Variants in ALG5 observed in about 807,000 individuals in gnomAD.
ALG5 encodes dolichyl-phosphate beta-glucosyltransferase.
A neutral mutation model predicts 51.8 loss-of-function variants in ALG5; 26 were observed. That is an observed-to-expected ratio of 0.50 (90% CI 0.37 to 0.70). The LOEUF (loss-of-function observed/expected upper bound fraction) is 0.70, where lower values mean the gene tolerates loss of function less well. Among genes scored for constraint, ALG5 ranks in the 30% least tolerant of loss-of-function variants. The pLI is 0.00. For synonymous variants in ALG5, 141 were observed against 136.1 expected, an observed-to-expected ratio of 1.04 and a Z score of -0.25; for missense variants, 311 against 399.3, an observed-to-expected ratio of 0.78 and a Z score of 1.88.
Position 36,994,577 on chromosome 13 carries a change from A to G in ALG5, c.285+412T>C, listed in dbSNP as rs1320228029. Among the ~76,000 whole-genome samples the G allele has an allele frequency of 2.0e-5, 3 of 149,690 alleles. No individual in the cohort carries two copies. In the South Asian group the frequency reaches 6.2e-4, roughly 31 times the overall value. The stretch of plus-strand genomic sequence containing the variant: ...TCTGTTTATTCAAACCCAGTTAACC[A>G]AAAAATAAAAAAAGAGAGAAGAGAA... On this transcript the variant is annotated intron_variant, in intron 3 of 9. Transcript: ENST00000239891.
intron 8 of ALG5, among the ~76,000 whole-genome samples, chr13:36,959,046 T>C (rs981919442): frequency 6.6e-6 from 1 of 152,142 alleles, no homozygotes; most frequent in Non-Finnish European, 1.5e-5. Context: ...CTGTCATTTG[T>C]GACATGGATG....
intron 8 of ALG5, among the ~76,000 whole-genome samples, chr13:36,958,244 C>A (rs112611854): frequency 2.6e-5 from 4 of 152,110 alleles, no homozygotes; most frequent in African/African-American, 9.7e-5. Flanking sequence ...TTACCAAGAG[C>A]TTCTATGGAG....
chr13:36,971,970 G>A lies in ALG5; in HGVS notation c.621+7C>T. 1 of 1,601,636 alleles carries A rather than the reference G, an allele frequency of 6.2e-7. No individual in the cohort carries two copies. The highest frequency in any genetic ancestry group is 8.5e-7 in the Non-Finnish European group (1 of 1,173,154). ...TGGCTGTCCCATGCCAATTAATGAA[G>A]TCTCACCTGAGCAATTGATTCTTTT... is the stretch of plus-strand genomic sequence containing the variant. On this transcript the variant is annotated splice_region_variant and intron_variant, in intron 7 of 9. Coordinates refer to ENST00000239891, the MANE Select transcript of ALG5 (RefSeq NM_013338.5).
chr13:36,988,852 C>G (rs140790000), intron 5 of ALG5, among the ~76,000 whole-genome samples: 1 of 152,154 alleles, frequency 6.6e-6, no homozygotes, highest in African/African-American at 2.4e-5. Context: ...GACTGCCCAC[C>G]TTTAGACTTC....
At chr13:36,984,454 T>C (rs1360498547) in intron 6 of ALG5, among the ~76,000 whole-genome samples, 1 of 152,206 alleles carries the variant, frequency 6.6e-6, no homozygotes, top group Admixed American at 6.5e-5. Context: ...AAGACCTGTG[T>C]TGCTAAATTC....
At chr13:36,989,084 C>T (rs1018667248) in intron 5 of ALG5, among the ~76,000 whole-genome samples, 1 of 152,152 alleles carries the variant, frequency 6.6e-6, no homozygotes, top group African/African-American at 2.4e-5. Flanking sequence ...TTAGACTGCA[C>T]ATTTCATCAG....
chr13:36,969,741 G>A (rs1050612965), intron 7 of ALG5, among the ~76,000 whole-genome samples: 1 of 151,894 alleles, frequency 6.6e-6, no homozygotes, highest in Admixed American at 6.6e-5. Context: ...CACCATGTTG[G>A]CCAGGCTGGT....
At chr13:36,990,736 C>T (rs917680000) in intron 4 of ALG5, among the ~76,000 whole-genome samples, 61 of 116,562 alleles carry the variant, frequency 5.2e-4, no homozygotes, top group Non-Finnish European at 5.5e-5. Context: ...CAGCAAATGG[C>T]ATCATCATCT....
intron 6 of ALG5, among the ~76,000 whole-genome samples, chr13:36,979,514 T>C (rs1279670944): frequency 1.3e-5 from 2 of 152,196 alleles, no homozygotes; most frequent in African/African-American, 4.8e-5. Context: ...TGCACGCAGA[T>C]ATGAATCATT....
chr13:36,986,940 G>A (rs1050407372), intron 5 of ALG5, among the ~76,000 whole-genome samples: 8 of 152,138 alleles, frequency 5.3e-5, no homozygotes, highest in Non-Finnish European at 1.0e-4. Context: ...CTGTTCTACC[G>A]TCTATGGCCT....
intron 7 of ALG5, 90 bp downstream of exon 7, chr13:36,971,887 A>G: frequency 1.0e-6 from 1 of 996,130 alleles, no homozygotes; most frequent in South Asian, 1.6e-5. Flanking sequence ...GAGATTAGAC[A>G]TAAAAGCCAG....
At chr13:36,963,246 TA>T (rs2058876394) in intron 8 of ALG5, among the ~76,000 whole-genome samples, 1 of 152,234 alleles carries the variant, frequency 6.6e-6, no homozygotes, top group Non-Finnish European at 1.5e-5. Flanking sequence ...GCCATCTTTT[TA>T]CTTTTTAAAT....
At chr13:36,950,404 C>T (rs1252824175) in intron 9 of ALG5, among the ~76,000 whole-genome samples, 1 of 152,004 alleles carries the variant, frequency 6.6e-6, no homozygotes, top group Admixed American at 6.6e-5. Flanking sequence ...ACATATGAAA[C>T]AACTAAAGAT....
In ALG5 at chr13:36,963,885, T is replaced by G. The variant is rs535042294; in HGVS notation, c.773+1690A>C. 1.1e-3 allele frequency among the ~76,000 whole-genome samples: 165 copies of G among 152,308 alleles called. 1 individual carries two copies. The highest frequency in any genetic ancestry group is 9.5e-3 in the South Asian group (46 of 4,826). On this transcript the variant is annotated intron_variant, in intron 8 of 9. Transcript: ENST00000239891. ...ATGAACAGGATTCACACAGAACCCATGACTAAGTATTAGTTCTTTCAACAG... is the reference window on the plus strand; with the variant it reads ...ATGAACAGGATTCACACAGAACCCAGGACTAAGTATTAGTTCTTTCAACAG...
intron 2 of ALG5, 105 bp from the exon 3 acceptor site, chr13:36,995,140 T>C (rs2059043237): frequency 1.0e-6 from 1 of 961,210 alleles, no homozygotes; most frequent in Non-Finnish European, 1.6e-6. Flanking sequence ...AACAAGCCCC[T>C]CTGGTACTTT....
At chr13:36,956,614 T>C (rs1428425345) in intron 8 of ALG5, among the ~76,000 whole-genome samples, 2 of 152,176 alleles carry the variant, frequency 1.3e-5, no homozygotes, top group African/African-American at 4.8e-5. Flanking sequence ...AAGGAAAATG[T>C]GGTATATGTA....
chr13:36,958,167 C>T (rs1188109131), intron 8 of ALG5, among the ~76,000 whole-genome samples: 1 of 152,112 alleles, frequency 6.6e-6, no homozygotes. Context: ...TTCCTCCTTA[C>T]TGTTCTCTTA....
chr13:36,966,719 A>G (rs2138792984), intron 7 of ALG5, among the ~76,000 whole-genome samples: 1 of 152,352 alleles, frequency 6.6e-6, no homozygotes, highest in East Asian at 1.9e-4. Flanking sequence ...TTAAGGCAAT[A>G]GACTCAAGTA....
At chr13:36,965,816 T>A in intron 7 of ALG5, 90 bp from the exon 8 acceptor site, 1 of 1,087,088 alleles carries the variant, frequency 9.2e-7, no homozygotes, top group Non-Finnish European at 1.3e-6. Context: ...TGTATTTTAA[T>A]ATTTAATTGA....
Sources: gnomAD v4.1 joint callset for allele counts (sites outside exome capture counted in the v4.1 genomes callset) on GRCh38, gnomAD v4.1.1 for gene constraint, MANE v1.5 for transcripts, NCBI Gene and HGNC (gene_info 2026-07-23, HGNC 2026-07-21) for gene names.